Variants in OTUD5 observed in about 807,000 individuals in gnomAD.
OTUD5 encodes the protein OTU deubiquitinase 5, also known as OTU domain-containing protein 5.
Under a neutral mutation model 36.3 loss-of-function variants are expected in OTUD5, and 2 were observed. The ratio of observed to expected loss-of-function variants is 0.06; its 90% confidence interval spans 0.02 to 0.17. The LOEUF is 0.17. OTUD5 is among the 10% of genes least tolerant of loss of function. The pLI is 1.00. For synonymous variants in OTUD5, 234 were observed against 214.9 expected (o/e 1.09, Z -0.78); for missense variants, 233 against 512.3 (o/e 0.45, Z 5.26).
intron 2 of OTUD5, among the ~76,000 whole-genome samples, chrX:48,941,968 G>A (rs1257292899): frequency 5.4e-5 from 6 of 111,330 alleles, no homozygotes; most frequent in Admixed American, 3.8e-4. Flanking sequence ...GCCAAAGGCA[G>A]CCCAGTCAGG....
chrX:48,923,125 G>A lies in OTUD5; in HGVS notation c.*49C>T, dbSNP rs782675034. ...CCAAAGAAGGTGAGGTGGCACCGGAGAGCAGGAGTACTGGGGTTGGGAGAT... is the reference window on the plus strand; with the variant it reads ...CCAAAGAAGGTGAGGTGGCACCGGAAAGCAGGAGTACTGGGGTTGGGAGAT... On this transcript the variant is annotated 3_prime_UTR_variant, in exon 9 of 9. Coordinates refer to ENST00000376488, the MANE Select transcript of OTUD5 (RefSeq NM_001136157.2). 1.5e-5 allele frequency: 18 copies of A among 1,209,763 alleles called. No individual in the cohort carries two copies. Among genetic ancestry groups the A allele is most frequent in the Non-Finnish European group, 2.0e-5 (18 of 894,272 alleles).
At chrX:48,954,857 C>A (rs943664133) in intron 1 of OTUD5, among the ~76,000 whole-genome samples, 2 of 112,285 alleles carry the variant, frequency 1.8e-5, no homozygotes, top group Non-Finnish European at 3.8e-5. Context: ...ACTCCATGTC[C>A]CCAGGACCTG....
In OTUD5 at chrX:48,943,803, A is replaced by G. The variant is rs1409181822; in HGVS notation, c.688+387T>C. The stretch of plus-strand genomic sequence containing the variant: ...AATCTAACCCAGACACTGAATCCCA[A>G]CTCTACCACTTATTATTTCACTCCA... On this transcript the variant is annotated intron_variant, in intron 2 of 8. Coordinates refer to ENST00000376488, the MANE Select transcript of OTUD5 (RefSeq NM_001136157.2). Among the ~76,000 whole-genome samples the G allele has an allele frequency of 3.7e-5, 4 of 109,549 alleles. No homozygotes were observed. In the East Asian group the frequency reaches 8.5e-4, roughly 23 times the overall value.
intron 1 of OTUD5, 146 bp from the exon 2 acceptor site, chrX:48,944,429 G>C: frequency 6.7e-6 from 3 of 445,612 alleles, no homozygotes; most frequent in South Asian, 3.3e-5. Context: ...ACCACTCCAT[G>C]CATGTGAAGT....
At position 48,923,757 on chromosome X, in the gene OTUD5, C is replaced by A. The variant is rs368391981; in HGVS notation, c.1466-11G>T. On this transcript the variant is annotated splice_polypyrimidine_tract_variant and intron_variant, in intron 7 of 8. Transcript: ENST00000376488. ...ACTGACTGCTTGTACCTGAAGCAGA[C>A]GGACAGTCAAAGGTAGGGACCCAGG... 8.4e-7 allele frequency: 1 copy of A among 1,191,900 alleles called. No individual in the cohort carries two copies. The highest frequency in any genetic ancestry group is 1.1e-6 in the Non-Finnish European group (1 of 879,900).
chrX:48,944,820 C>T (rs1341254246), intron 1 of OTUD5, among the ~76,000 whole-genome samples: 3 of 111,719 alleles, frequency 2.7e-5, no homozygotes, highest in East Asian at 2.8e-4. Flanking sequence ...GTCGGGAGTT[C>T]GAGACCAGCC....
At chrX:48,933,416 CTTTTT>C (rs61012379) in intron 5 of OTUD5, among the ~76,000 whole-genome samples, 1 of 90,716 alleles carries the variant, frequency 1.1e-5, no homozygotes. Flanking sequence ...ATATTTGTAA[CTTTTT>C]TTTTTTTTTT....
intron 5 of OTUD5, among the ~76,000 whole-genome samples, chrX:48,932,161 GATAATAATA>G (rs781824408): frequency 1.4e-3 from 127 of 88,811 alleles, no homozygotes; most frequent in African/African-American, 1.9e-3. Flanking sequence ...AAAAAAAGAT[GATAATAATA>G]ATAATAATAA....
intron 1 of OTUD5, among the ~76,000 whole-genome samples, chrX:48,945,266 CTTTTTTTTTTT>C (rs139382090): frequency 5.5e-5 from 4 of 73,272 alleles, no homozygotes; most frequent in Admixed American, 1.5e-4. Context: ...AAAATCAAGT[CTTTTTTTTTTT>C]TTTTTTTTTT....
chrX:48,928,565 C>G (rs915372681), intron 5 of OTUD5, among the ~76,000 whole-genome samples: 3 of 111,041 alleles, frequency 2.7e-5, no homozygotes, highest in Non-Finnish European at 5.7e-5. Flanking sequence ...GGTGGCTCAC[C>G]CCTGCAATAC....
At chrX:48,955,486 CTTACCTCTAGACACACAA>C (rs2147693076) in intron 1 of OTUD5, among the ~76,000 whole-genome samples, 1 of 111,577 alleles carries the variant, frequency 9.0e-6, no homozygotes, top group African/African-American at 3.3e-5. Flanking sequence ...AAGCTCAGAC[CTTACCTCTAGACACACAA>C]GTCACCAAGG....
chrX:48,954,407 G>T (rs1431935783), intron 1 of OTUD5, among the ~76,000 whole-genome samples: 1 of 111,154 alleles, frequency 9.0e-6, no homozygotes, highest in Non-Finnish European at 1.9e-5. Flanking sequence ...GAGTAAGGAG[G>T]TGTTTTTGAA....
At chrX:48,923,473 G>T (rs782757274) in intron 8 of OTUD5, among the ~76,000 whole-genome samples, 160 bp downstream of exon 8, 4 of 110,832 alleles carry the variant, frequency 3.6e-5, no homozygotes, top group Non-Finnish European at 7.6e-5. Context: ...ACCCTTCTGG[G>T]GCAAATTCCT....
intron 2 of OTUD5, among the ~76,000 whole-genome samples, chrX:48,941,256 C>T (rs1557050958): frequency 1.8e-5 from 2 of 109,262 alleles, no homozygotes; most frequent in South Asian, 4.0e-4. Context: ...CATGGTGAAA[C>T]CCCATCTCTG....
In OTUD5 at chrX:48,923,392, T is replaced by C. The variant is rs782194747; in HGVS notation, c.1580-97A>G. ...CATCTGGGGCTCTGGAGAAATCCCA[T>C]AGGGCCCTTCTCACTCCTTTCTCAA... is the stretch of plus-strand genomic sequence containing the variant. On this transcript the variant is annotated intron_variant, in intron 8 of 8. Transcript: ENST00000376488. 105 of 700,565 alleles carry C rather than the reference T, an allele frequency of 1.5e-4. 2 individuals carry two copies. The highest frequency in any genetic ancestry group is 1.2e-3 in the South Asian group (48 of 41,183). 57.7% of individuals were successfully genotyped at this position (700,565 alleles called of 1,213,427 possible). A position where few individuals can be genotyped will look rare whatever the true frequency, so the allele number is the denominator to read the frequency against.
Position 48,922,479 on chromosome X carries a change from A to T in OTUD5, c.*695T>A. 1 of 746,396 alleles carries T rather than the reference A, an allele frequency of 1.3e-6. No homozygotes were observed. Among genetic ancestry groups the T allele is most frequent in the Non-Finnish European group, 1.6e-6 (1 of 632,384 alleles). The allele number at this position is 746,396 out of a possible 1,213,427, so 61.5% of individuals were successfully genotyped here. On this transcript the variant is annotated 3_prime_UTR_variant, in exon 9 of 9. Transcript: ENST00000376488. ...GCCGCCCTGCCCTTGCCCAGTGCAC[A>T]CCCTAGACCCTGGGCCGGCCTCCAT...
intron 5 of OTUD5, among the ~76,000 whole-genome samples, chrX:48,933,140 A>G (rs2063781881): frequency 8.9e-6 from 1 of 112,233 alleles, no homozygotes; most frequent in Non-Finnish European, 1.9e-5. Flanking sequence ...GCAAAACGAG[A>G]GTCAGTAAAC....
intron 2 of OTUD5, among the ~76,000 whole-genome samples, chrX:48,943,439 G>C (rs1569515560): frequency 8.9e-6 from 1 of 111,874 alleles, no homozygotes; most frequent in Non-Finnish European, 1.9e-5. Context: ...TGAATGAAAT[G>C]ATCCAATGTC....
At chrX:48,926,232 T>G (rs782163161) in intron 5 of OTUD5, among the ~76,000 whole-genome samples, 182 bp from the exon 6 acceptor site, 3 of 111,296 alleles carry the variant, frequency 2.7e-5, no homozygotes, top group Non-Finnish European at 5.7e-5. Context: ...AAAGCAGGCT[T>G]GGGATGTGGG....
Sources: gnomAD v4.1 joint callset for allele counts (sites outside exome capture counted in the v4.1 genomes callset) on GRCh38, gnomAD v4.1.1 for gene constraint, MANE v1.5 for transcripts, NCBI Gene and HGNC (gene_info 2026-07-23, HGNC 2026-07-21) for gene names.